Variants in N4BP2L1 observed in about 807,000 individuals in gnomAD.
N4BP2L1 encodes the protein NEDD4 binding protein 2 like 1.
In N4BP2L1, 12 loss-of-function variants were observed where a neutral mutation model predicts 21.2. The observed-to-expected ratio is 0.57, with a 90% confidence interval of 0.36 to 0.92. The LOEUF is 0.92. Among genes scored for constraint, N4BP2L1 ranks in the 40% least tolerant of loss-of-function variants. The pLI is 0.01. For missense variants in N4BP2L1, 259 were observed against 310.6 expected, an observed-to-expected ratio of 0.83 and a Z score of 1.25; for synonymous variants, 104 against 112.8, an observed-to-expected ratio of 0.92 and a Z score of 0.49.
At chr13:32,414,128 C>T (rs1032557880) in intron 1 of N4BP2L1, among the ~76,000 whole-genome samples, 5 of 152,128 alleles carry the variant, frequency 3.3e-5, no homozygotes, top group African/African-American at 7.2e-5. Context: ...GTGATCCACC[C>T]GCCTAGGCCT....
rs200269903 is a variant in N4BP2L1 at position 32,404,241 on chromosome 13, T to C, written c.473+80A>G. 8 of 1,585,868 alleles carry C rather than the reference T, an allele frequency of 5.0e-6. No individual in the cohort carries two copies. In the African/African-American group the frequency reaches 8.1e-5, roughly 16 times the overall value. ...AAAACTACCATGTCCATTTCCAGCC[T>C]GAAAAGATTCTTTTGTTCGGTCTGA... is the stretch of plus-strand genomic sequence containing the variant. On this transcript the variant is annotated intron_variant, in intron 4 of 4. Transcript: ENST00000380130.
intron 1 of N4BP2L1, among the ~76,000 whole-genome samples, chr13:32,412,802 C>T (rs137947820): frequency 7.2e-5 from 11 of 152,306 alleles, no homozygotes; most frequent in East Asian, 1.9e-4. Context: ...AGGTCCTTCA[C>T]ACATCTGGTG....
At chr13:32,428,490 T>C (rs2074918477), upstream of N4BP2L1, among the ~76,000 whole-genome samples, 1 of 152,008 alleles carries the variant, frequency 6.6e-6, no homozygotes, top group Non-Finnish European at 1.5e-5. Flanking sequence ...AGTGAAATCA[T>C]TTTAGCTGAT....
At chr13:32,405,892 C>CCTTTTTTTTTTTTTTTTTTTT (rs2073452557) in intron 3 of N4BP2L1, among the ~76,000 whole-genome samples, 1 of 101,192 alleles carries the variant, frequency 9.9e-6, no homozygotes, top group Non-Finnish European at 1.8e-5. Flanking sequence ...TTCCTGCCCC[C>CCTTTTTTTTTTTTTTTTTTTT]TTTTTTTTTT....
In N4BP2L1 at chr13:32,402,323, AT is replaced by A; in HGVS notation, c.*618del. The A allele has an allele frequency of 1.8e-6, 1 of 570,966 alleles. No homozygotes were observed. Among genetic ancestry groups the A allele is most frequent in the Non-Finnish European group, 2.2e-6 (1 of 451,712 alleles). 35.4% of individuals were successfully genotyped at this position (570,966 alleles called of 1,614,324 possible). A position where few individuals can be genotyped will look rare whatever the true frequency, so the allele number is the denominator to read the frequency against. On this transcript the variant is annotated 3_prime_UTR_variant, in exon 5 of 5. Transcript: ENST00000380130. ...CTGTAGCTATTAAGGATTTGACAGC[AT>A]TTTTAACAATGATACATCATTAAAA...
chr13:32,410,862 G>A (rs2073820359), intron 1 of N4BP2L1, among the ~76,000 whole-genome samples: 1 of 151,736 alleles, frequency 6.6e-6, no homozygotes, highest in Admixed American at 6.6e-5. Context: ...TTCAGGTCCC[G>A]ATTTGATATC....
At chr13:32,412,330 T>C (rs981239196) in intron 1 of N4BP2L1, among the ~76,000 whole-genome samples, 6 of 152,098 alleles carry the variant, frequency 3.9e-5, no homozygotes, top group African/African-American at 1.4e-4. Context: ...GAGAACAATA[T>C]GAAAGTAAAT....
Position 32,400,821 on chromosome 13 carries a change from A to G in N4BP2L1, c.*2121T>C, listed in dbSNP as rs1179838813. ...AGTTCTATGAATGATGCAAACAGCG[A>G]ACACAATACAAGTCAATATTGGGTG... On this transcript the variant is annotated 3_prime_UTR_variant, in exon 5 of 5. Transcript: ENST00000380130. 3 of 152,238 alleles carry G rather than the reference A, an allele frequency of 2.0e-5. No individual in the cohort carries two copies. Among genetic ancestry groups the G allele is most frequent in the Non-Finnish European group, 4.4e-5 (3 of 68,044 alleles). The allele number at this position is 152,238 out of a possible 1,614,324, so 9.4% of individuals were successfully genotyped here. A position where few individuals can be genotyped will look rare whatever the true frequency, so the allele number is the denominator to read the frequency against.
Position 32,402,772 on chromosome 13 carries a change from C to G in N4BP2L1, c.*170G>C. 2 of 1,398,184 alleles carry G rather than the reference C, an allele frequency of 1.4e-6. No individual in the cohort carries two copies. Among genetic ancestry groups the G allele is most frequent in the Non-Finnish European group, 1.9e-6 (2 of 1,076,956 alleles). 86.6% of individuals were successfully genotyped at this position (1,398,184 alleles called of 1,614,324 possible). On this transcript the variant is annotated 3_prime_UTR_variant, in exon 5 of 5. Transcript: ENST00000380130. ...CAGCATCAGACCATGCATATAGAAG[C>G]ACTTTAACAAATTTTGGTGAAGAAA... is the stretch of plus-strand genomic sequence containing the variant.
At chr13:32,409,996 G>A (rs75993386) in intron 1 of N4BP2L1, among the ~76,000 whole-genome samples, 318 of 152,336 alleles carry the variant, frequency 2.1e-3, no homozygotes, top group African/African-American at 7.4e-3. Context: ...CCATGTCAGA[G>A]GAGCAAAGAT....
intron 1 of N4BP2L1, among the ~76,000 whole-genome samples, chr13:32,408,731 A>T (rs1462420858): frequency 4.6e-5 from 7 of 152,258 alleles, no homozygotes; most frequent in Non-Finnish European, 8.8e-5. Flanking sequence ...GAAGATATTT[A>T]AAAATCGGAG....
chr13:32,419,412 A>T (rs1593294943), intron 1 of N4BP2L1: 38 of 284,640 alleles, frequency 1.3e-4, no homozygotes, highest in Non-Finnish European at 1.6e-4. Context: ...TGCTTGGCTA[A>T]TTTTTTTTTT....
intron 1 of N4BP2L1, among the ~76,000 whole-genome samples, chr13:32,422,283 A>C (rs1411344527): frequency 6.6e-6 from 1 of 152,132 alleles, no homozygotes; most frequent in Non-Finnish European, 1.5e-5. Context: ...TATACGACAG[A>C]TCAAAACCAA....
At chr13:32,411,659 T>C (rs2073868457) in intron 1 of N4BP2L1, 1 of 985,274 alleles carries the variant, frequency 1.0e-6, no homozygotes, top group Non-Finnish European at 1.2e-6. Context: ...ATTAATTCCA[T>C]ATAACCTTCA....
chr13:32,422,827 G>T (rs1352370185), intron 1 of N4BP2L1, among the ~76,000 whole-genome samples: 1 of 152,104 alleles, frequency 6.6e-6, no homozygotes, highest in Non-Finnish European at 1.5e-5. Flanking sequence ...TAGGAAAATT[G>T]TGAAAAATAC....
At chr13:32,420,805 T>C (rs888259155) in intron 1 of N4BP2L1, among the ~76,000 whole-genome samples, 1 of 152,204 alleles carries the variant, frequency 6.6e-6, no homozygotes, top group Non-Finnish European at 1.5e-5. Context: ...GTGATTCTCC[T>C]GCCTCAGCCT....
At position 32,402,245 on chromosome 13, in the gene N4BP2L1, TA is replaced by T; in HGVS notation, c.*696del. On this transcript the variant is annotated 3_prime_UTR_variant, in exon 5 of 5. Coordinates refer to ENST00000380130, the MANE Select transcript of N4BP2L1 (RefSeq NM_052818.3). ...GGTTTAATCCTGCTGAATAAAGTAGTAAAAACACAAGGCGTGACTTTAAATA... is the reference window on the plus strand; with the variant it reads ...GGTTTAATCCTGCTGAATAAAGTAGTAAAACACAAGGCGTGACTTTAAATA... 1.1e-6 allele frequency: 1 copy of T among 874,790 alleles called. No homozygotes were observed. The highest frequency in any genetic ancestry group is 1.8e-5 in the African/African-American group (1 of 54,978). 54.2% of individuals were successfully genotyped at this position (874,790 alleles called of 1,614,324 possible). A position where few individuals can be genotyped will look rare whatever the true frequency, so the allele number is the denominator to read the frequency against.
chr13:32,413,646 C>T (rs1036920015), intron 1 of N4BP2L1, among the ~76,000 whole-genome samples: 8 of 151,940 alleles, frequency 5.3e-5, no homozygotes, highest in Admixed American at 1.3e-4. Flanking sequence ...GCCCATGTAC[C>T]GATCCAATTC....
intron 3 of N4BP2L1, among the ~76,000 whole-genome samples, chr13:32,405,477 T>G (rs569102195): frequency 6.6e-6 from 1 of 152,218 alleles, no homozygotes; most frequent in East Asian, 1.9e-4. Flanking sequence ...GCCACTGCAC[T>G]CCAGCCTGGG....
Sources: gnomAD v4.1 joint callset for allele counts (sites outside exome capture counted in the v4.1 genomes callset) on GRCh38, gnomAD v4.1.1 for gene constraint, MANE v1.5 for transcripts, NCBI Gene and HGNC (gene_info 2026-07-23, HGNC 2026-07-21) for gene names.